Variants in GALNT15 observed in about 807,000 individuals in gnomAD.
GALNT15 encodes the protein polypeptide N-acetylgalactosaminyltransferase 15, also known as UDP-GalNAc transferase T15.
GALNT15 carries 67 observed loss-of-function variants against 66.8 expected under a neutral mutation model. The ratio of observed to expected loss-of-function variants is 1.00; its 90% CI spans 0.82 to 1.23. The LOEUF (loss-of-function observed/expected upper bound fraction) is 1.23. GALNT15 is among the 50% of genes most tolerant of loss of function. The pLI, the probability that GALNT15 is intolerant of heterozygous loss-of-function variation, is 0.00. For missense variants in GALNT15, 827 were observed against 804.3 expected (o/e 1.03, Z -0.34); for synonymous variants, 313 against 311.5 (o/e 1.00, Z -0.05).
chr3:16,177,357 G>A (rs1209681969), intron 1 of GALNT15, among the ~76,000 whole-genome samples: 1 of 152,224 alleles, frequency 6.6e-6, no homozygotes, highest in South Asian at 2.1e-4. Context: ...GTGTGACTGT[G>A]TGTTTGCATA....
chr3:16,200,891 C>T lies in GALNT15; in HGVS notation c.911+68C>T. ...GAGAAACAGTCTACAGCATCAGCCA[C>T]TCACAGAGCAACCCACCTATTAATT... is the stretch of plus-strand genomic sequence containing the variant. On this transcript the variant is annotated intron_variant, in intron 3 of 9. Transcript: ENST00000339732. The surrounding 1 kb of genome is among the most constrained non-coding windows in gnomAD (Gnocchi z 4.4). 3.2e-6 allele frequency: 4 copies of T among 1,242,204 alleles called. No homozygotes were observed. The highest frequency in any genetic ancestry group is 4.4e-6 in the Non-Finnish European group (4 of 899,318). 76.9% of individuals were successfully genotyped at this position (1,242,204 alleles called of 1,614,324 possible). A position where few individuals can be genotyped will look rare whatever the true frequency, so the allele number is the denominator to read the frequency against.
rs918772057 is a variant in GALNT15, at chr3:16,183,211, G to A, written c.539+7521G>A. 7 of 152,252 alleles carry A rather than the reference G, an allele frequency of 4.6e-5. No individual in the cohort carries two copies. The highest frequency in any genetic ancestry group is 7.2e-5 in the African/African-American group (3 of 41,442). 9.4% of individuals were successfully genotyped at this position (152,252 alleles called of 1,614,324 possible). A position where few individuals can be genotyped will look rare whatever the true frequency, so the allele number is the denominator to read the frequency against. ...AAGGGGATGGCATGTACCTTGTGAC[G>A]TCTGTCCACTGATGGAGAATGACAG... is the stretch of plus-strand genomic sequence containing the variant. On this transcript the variant is annotated intron_variant, in intron 1 of 9. Transcript: ENST00000339732. This position sits in a 1 kb window ranked among gnomAD's most constrained non-coding sequence, Gnocchi z 5.2.
Position 16,208,631 on chromosome 3 carries a change from A to T in GALNT15, c.1040A>T (p.His347Leu). 6.2e-7 allele frequency: 1 copy of T among 1,614,110 alleles called. No individual in the cohort carries two copies. Among genetic ancestry groups the T allele is most frequent in the Non-Finnish European group, 8.5e-7 (1 of 1,180,006 alleles). Residue 347 changes from histidine (H) to leucine (L), a missense_variant, in exon 4 of 10, where the codon CAT becomes CTT. Physicochemically the swap from His to Leu is moderately conservative, Grantham distance 99. Coordinates refer to ENST00000339732, the MANE Select transcript of GALNT15 (RefSeq NM_054110.5). ...LDFHWEPLPEHVRKALQSPIS... is the reference protein window; with the variant it reads ...LDFHWEPLPELVRKALQSPIS... The stretch of plus-strand genomic sequence containing the variant: ...TTCCACTGGGAACCTTTGCCAGAGC[A>T]TGTGAGGAAGGCCCTCCAGTCCCCC...
downstream of GALNT15, among the ~76,000 whole-genome samples, chr3:16,231,127 A>T (rs1258633165): frequency 1.7e-5 from 2 of 117,730 alleles, no homozygotes; most frequent in Non-Finnish European, 3.3e-5. This position sits in a 1 kb window ranked among gnomAD's most constrained non-coding sequence, Gnocchi z 4.1. Context: ...GGAACATCAC[A>T]CCAGGGCCTG....
chr3:16,207,566 T>A (rs75951014), intron 3 of GALNT15, among the ~76,000 whole-genome samples: 113,342 of 113,384 alleles, frequency 1, 56,650 homozygotes, highest in Middle Eastern at 1. Flanking sequence ...TTCCCCACCA[T>A]TACCGGGAAA....
rs1240616388 is a variant in GALNT15 at position 16,212,675 on chromosome 3, G to A, written c.1304G>A (p.Arg435Lys). ...HSPLDQEATLRNRVRIAETWL... is the reference protein window; with the variant it reads ...HSPLDQEATLKNRVRIAETWL... ...CCCCTCGACCAGGAGGCCACCCTGA[G>A]GAACAGGGTTCGCATTGCTGAGACC... Residue 435 changes from arginine (R) to lysine (K), a missense_variant, in exon 6 of 10, where the codon AGG becomes AAG. Physicochemically the swap from Arg to Lys is conservative, Grantham distance 26 (BLOSUM62 2). Coordinates refer to ENST00000339732, the MANE Select transcript of GALNT15 (RefSeq NM_054110.5). 1 of 1,613,920 alleles carries A rather than the reference G, an allele frequency of 6.2e-7. No individual in the cohort carries two copies.
chr3:16,232,209 A>G (rs1051698212), downstream of GALNT15, among the ~76,000 whole-genome samples: 10 of 151,962 alleles, frequency 6.6e-5, no homozygotes, highest in African/African-American at 2.4e-4. Flanking sequence ...TGGGCCAATC[A>G]GCACATTCCT....
rs144320995 is a variant in GALNT15 at position 16,195,842 on chromosome 3, C to T, written c.622C>T (p.Leu208=). ...CFHDEAWSTL[L]RTVHSILDTV... ...CCATGATGAGGCCTGGTCCACTCTC[C>T]TGCGGACTGTACACAGCATCCTCGA... is the stretch of plus-strand genomic sequence containing the variant. The change falls in exon 2 of 10, where the codon CTG becomes TTG. Residue 208 remains leucine (L), a synonymous_variant. Coordinates refer to ENST00000339732, the MANE Select transcript of GALNT15 (RefSeq NM_054110.5). The surrounding 1 kb of genome is among the most constrained non-coding windows in gnomAD (Gnocchi z 4.6). 1.2e-6 allele frequency: 2 copies of T among 1,614,132 alleles called. No individual in the cohort carries two copies. The highest frequency in any genetic ancestry group is 1.7e-6 in the Non-Finnish European group (2 of 1,180,006).
In GALNT15 at chr3:16,180,544, C is replaced by T. The variant is rs2124837685; in HGVS notation, c.539+4854C>T. Among the ~76,000 whole-genome samples the T allele has an allele frequency of 6.6e-6, 1 of 152,246 alleles. No individual in the cohort carries two copies. Among genetic ancestry groups the T allele is most frequent in the South Asian group, 2.1e-4 (1 of 4,830 alleles). On this transcript the variant is annotated intron_variant, in intron 1 of 9. Transcript: ENST00000339732. The surrounding 1 kb of genome is among the most constrained non-coding windows in gnomAD (Gnocchi z 5.0). ...AAAAAGACGTAGATGTTCAGACCCC[C>T]TCACTGGCAATGCTCCAGAGTTCTG...
the GALNT15 span, among the ~76,000 whole-genome samples, chr3:16,241,828 G>A: frequency 6.4e-4 from 97 of 152,216 alleles, no homozygotes; most frequent in African/African-American, 2.1e-3. The surrounding 1 kb of genome is among the most constrained non-coding windows in gnomAD (Gnocchi z 4.6). Context: ...GATTACAGCC[G>A]TGAGCCACCA....
chr3:16,247,097 A>AGTGTGTGTGTGTGT, the GALNT15 span, among the ~76,000 whole-genome samples: 6 of 144,898 alleles, frequency 4.1e-5, no homozygotes, highest in African/African-American at 1.5e-4. Context: ...CAAAGACTGT[A>AGTGTGTGTGTGTGT]GTGTGTGTGT....
At chr3:16,234,103 C>T (rs1452809285), downstream of GALNT15, among the ~76,000 whole-genome samples, 2 of 152,104 alleles carry the variant, frequency 1.3e-5, no homozygotes, top group African/African-American at 4.8e-5. Flanking sequence ...ACAAATCCTG[C>T]CAAAGCCCAA....
downstream of GALNT15, among the ~76,000 whole-genome samples, chr3:16,232,531 T>A: frequency 8.9e-6 from 1 of 111,926 alleles, no homozygotes; most frequent in Non-Finnish European, 1.9e-5. Flanking sequence ...AGAGACATAA[T>A]GTGAGAATGT....
At chr3:16,199,104 C>T (rs1358484758) in intron 2 of GALNT15, among the ~76,000 whole-genome samples, 1 of 141,904 alleles carries the variant, frequency 7.0e-6, no homozygotes, top group Non-Finnish European at 1.6e-5. Flanking sequence ...TGGGGGGACT[C>T]CCCATTTCCA....
At chr3:16,179,475 A>C (rs1445489670) in intron 1 of GALNT15, among the ~76,000 whole-genome samples, 1 of 152,196 alleles carries the variant, frequency 6.6e-6, no homozygotes. Flanking sequence ...GGAAATGCTT[A>C]TCACAGCATC....
chr3:16,180,064 A>G lies in GALNT15; in HGVS notation c.539+4374A>G, dbSNP rs2063453397. Among the ~76,000 whole-genome samples the G allele has an allele frequency of 6.6e-6, 1 of 152,212 alleles. No homozygotes were observed. The highest frequency in any genetic ancestry group is 2.1e-4 in the South Asian group (1 of 4,822). The stretch of plus-strand genomic sequence containing the variant: ...TGTGAGCCAGTGCTTTGTAATCTAC[A>G]TCTACGGCTGAACTTGAGCGTGCAT... On this transcript the variant is annotated intron_variant, in intron 1 of 9. Transcript: ENST00000339732. The surrounding 1 kb of genome is among the most constrained non-coding windows in gnomAD (Gnocchi z 5.0).
chr3:16,218,691 A>G (rs918571168), intron 6 of GALNT15, among the ~76,000 whole-genome samples: 7 of 151,406 alleles, frequency 4.6e-5, no homozygotes, highest in Non-Finnish European at 1.5e-5. Context: ...TCAGTTCCTG[A>G]CTCCATGAGG....
In GALNT15 at chr3:16,175,237, T is replaced by C. The variant is rs1483062635; in HGVS notation, c.86T>C (p.Met29Thr). The C allele has an allele frequency of 5.6e-6, 9 of 1,614,150 alleles. No homozygotes were observed. Among genetic ancestry groups the C allele is most frequent in the Non-Finnish European group, 7.6e-6 (9 of 1,180,034 alleles). Residue 29 changes from methionine (M) to threonine (T), a missense_variant, in exon 1 of 10, where the codon ATG (methionine) becomes ACG (threonine). Met to Thr is a moderately conservative substitution (Grantham distance 81). Coordinates refer to ENST00000339732, the MANE Select transcript of GALNT15 (RefSeq NM_054110.5). This position sits in a 1 kb window ranked among gnomAD's most constrained non-coding sequence, Gnocchi z 5.6. ...CTGATGCTGGGATGCGTCCTGATGA[T>C]GGTGGCGATGTTGCACCCTCCCCAC... is the stretch of plus-strand genomic sequence containing the variant. ...LLLMLGCVLM[M>T]VAMLHPPHHT...
intron 6 of GALNT15, among the ~76,000 whole-genome samples, chr3:16,213,468 A>AAAAT (rs2063840247): frequency 6.6e-6 from 1 of 151,410 alleles, no homozygotes; most frequent in Admixed American, 6.6e-5. Context: ...AAAAAAAAAA[A>AAAAT]AAAATAGAGT....
Sources: gnomAD v4.1 joint callset for allele counts (sites outside exome capture counted in the v4.1 genomes callset) on GRCh38, gnomAD v4.1.1 for gene constraint, Gnocchi (gnomAD v3.1) non-coding constraint, MANE v1.5 for transcripts, NCBI Gene and HGNC (gene_info 2026-07-23, HGNC 2026-07-21) for gene names.